The following FNDC3A variants were observed in gnomAD, a reference collection of about 807,000 sequenced individuals.
FNDC3A encodes fibronectin type-III domain-containing protein 3A.
A neutral mutation model predicts 148.9 loss-of-function variants in FNDC3A; 32 were observed. That is an observed-to-expected ratio of 0.21 (90% CI 0.16 to 0.29). The LOEUF (loss-of-function observed/expected upper bound fraction) is 0.29, where lower values mean the gene tolerates loss of function less well. Among genes scored for constraint, FNDC3A ranks in the 10% least tolerant of loss-of-function variants. The pLI, the probability that FNDC3A is intolerant of heterozygous loss-of-function variation, is 1.00. For missense variants in FNDC3A, 1,191 were observed against 1,452.8 expected (o/e 0.82, Z 2.93); for synonymous variants, 472 against 473.6 (o/e 1.00, Z 0.04).
chr13:49,017,815 A>G (rs1050097896), intron 2 of FNDC3A, among the ~76,000 whole-genome samples: 189 of 151,964 alleles, frequency 1.2e-3, no homozygotes, highest in Non-Finnish European at 2.3e-3. Flanking sequence ...AAAATCTCTC[A>G]GCATTTGCTT....
chr13:49,138,953 A>G, intron 7 of FNDC3A, 148 bp downstream of exon 7: 1 of 453,704 alleles, frequency 2.2e-6, no homozygotes, highest in Non-Finnish European at 4.0e-6. Context: ...TCACTATGGT[A>G]TGCTTTAGCT....
At chr13:49,124,884 G>A (rs890157744) in intron 4 of FNDC3A, among the ~76,000 whole-genome samples, 9 of 152,120 alleles carry the variant, frequency 5.9e-5, no homozygotes, top group African/African-American at 1.9e-4. Flanking sequence ...TAACACTTCC[G>A]CTATTTCAGT....
chr13:49,013,520 G>A (rs546358663), intron 2 of FNDC3A, among the ~76,000 whole-genome samples: 24 of 151,438 alleles, frequency 1.6e-4, no homozygotes, highest in East Asian at 1.4e-3. Flanking sequence ...ATATGTACAC[G>A]TGTATACATG....
At chr13:49,184,122 T>A (rs1282160511) in intron 14 of FNDC3A, among the ~76,000 whole-genome samples, 1 of 152,172 alleles carries the variant, frequency 6.6e-6, no homozygotes, top group Non-Finnish European at 1.5e-5. Context: ...GGAAGTAACA[T>A]GTCAAAATCA....
chr13:49,069,064 TA>T (rs959999709), intron 2 of FNDC3A, among the ~76,000 whole-genome samples: 4 of 151,592 alleles, frequency 2.6e-5, no homozygotes, highest in African/African-American at 9.7e-5. Context: ...AAATAAAAGT[TA>T]AAAAAAATGT....
intron 22 of FNDC3A, 32 bp from the exon 23 acceptor site, chr13:49,198,330 T>C (rs779101683): frequency 6.2e-7 from 1 of 1,612,434 alleles, no homozygotes. Context: ...AAAACAATCA[T>C]AACCAAACTT....
intron 25 of FNDC3A, among the ~76,000 whole-genome samples, chr13:49,204,637 T>C (rs1027282629): frequency 1.3e-5 from 2 of 152,228 alleles, no homozygotes; most frequent in African/African-American, 4.8e-5. Flanking sequence ...GAAAATATAA[T>C]TGTATTACAC....
intron 2 of FNDC3A, among the ~76,000 whole-genome samples, chr13:49,070,881 C>CTTTTTTTTTTTTTTTT (rs758290861): frequency 1.1e-4 from 13 of 120,940 alleles, no homozygotes; most frequent in Non-Finnish European, 1.5e-4. Flanking sequence ...AACAGGATTT[C>CTTTTTTTTTTTTTTTT]TTTTTTTTTT....
intron 4 of FNDC3A, among the ~76,000 whole-genome samples, chr13:49,115,358 G>T (rs1158472885): frequency 6.6e-6 from 1 of 152,126 alleles, no homozygotes. Context: ...ATTTCGTATG[G>T]TCTGCACGCT....
chr13:49,049,869 G>T (rs768947774), intron 2 of FNDC3A, among the ~76,000 whole-genome samples: 49 of 152,048 alleles, frequency 3.2e-4, no homozygotes, highest in Non-Finnish European at 4.6e-4. Context: ...ACAGGCATGT[G>T]CCACTATGCC....
intron 7 of FNDC3A, among the ~76,000 whole-genome samples, chr13:49,145,069 G>GTA (rs999446483): frequency 6.6e-6 from 1 of 151,960 alleles, no homozygotes; most frequent in Non-Finnish European, 1.5e-5. Context: ...TCTTAAGTGT[G>GTA]TATATTTGTA....
chr13:49,018,080 T>A lies in FNDC3A; in HGVS notation c.99+11791T>A, dbSNP rs1371891352. On this transcript the variant is annotated intron_variant, in intron 2 of 25. Transcript: ENST00000492622. ...TTGGTGAATCTGACAATTATGTGTC[T>A]TGGAGTTGCTCTTCTCGAGGAGTAT... is the stretch of plus-strand genomic sequence containing the variant. 2.7e-4 allele frequency among the ~76,000 whole-genome samples: 41 copies of A among 151,666 alleles called. No individual in the cohort carries two copies. In the South Asian group the frequency reaches 4.0e-3, roughly 15 times the overall value.
chr13:49,123,721 T>G (rs531689660), intron 4 of FNDC3A, among the ~76,000 whole-genome samples: 98 of 151,372 alleles, frequency 6.5e-4, no homozygotes, highest in African/African-American at 2.0e-3. Context: ...AAGAAGACAT[T>G]TATGTGGCCA....
intron 1 of FNDC3A, among the ~76,000 whole-genome samples, chr13:48,988,744 T>C (rs1452629137): frequency 6.6e-6 from 1 of 150,736 alleles, no homozygotes. Context: ...CCAGCTACTT[T>C]GGAGGCTGAG....
chr13:49,184,763 G>T (rs1400755924), intron 14 of FNDC3A, among the ~76,000 whole-genome samples: 1 of 152,164 alleles, frequency 6.6e-6, no homozygotes. Flanking sequence ...GGTAAAGCTT[G>T]TTTGTGCTTC....
intron 3 of FNDC3A, among the ~76,000 whole-genome samples, chr13:49,092,716 A>G (rs1879266116): frequency 6.6e-6 from 1 of 151,622 alleles, no homozygotes; most frequent in African/African-American, 2.4e-5. Context: ...AAAACCCAAT[A>G]CTAGTTACAT....
At chr13:49,008,907 C>T (rs1398062545) in intron 2 of FNDC3A, among the ~76,000 whole-genome samples, 2 of 145,546 alleles carry the variant, frequency 1.4e-5, no homozygotes, top group African/African-American at 2.6e-5. Context: ...AAAGTTCTCA[C>T]ATACCACCTC....
chr13:49,206,902 C>T (rs1474274959), intron 25 of FNDC3A, among the ~76,000 whole-genome samples, 179 bp from the exon 26 acceptor site: 2 of 152,080 alleles, frequency 1.3e-5, no homozygotes, highest in Non-Finnish European at 2.9e-5. Context: ...TCTCTTGCCC[C>T]TATGCAACAA....
chr13:49,200,857 T>G (rs1269494665), intron 23 of FNDC3A, among the ~76,000 whole-genome samples: 1 of 152,026 alleles, frequency 6.6e-6, no homozygotes, highest in Non-Finnish European at 1.5e-5. Context: ...ACACTTGCTG[T>G]GGGATGGTAT....
Sources: allele counts gnomAD v4.1 joint callset (sites outside exome capture counted in the v4.1 genomes callset), GRCh38; gene constraint gnomAD v4.1.1; transcripts MANE v1.5; gene names NCBI Gene and HGNC (gene_info 2026-07-23, HGNC 2026-07-21).